Variants in MGST2 observed in about 807,000 individuals in gnomAD.
MGST2 encodes the protein microsomal glutathione S-transferase 2.
MGST2 carries 9 observed loss-of-function variants against 16.6 expected under a neutral mutation model. The ratio of observed to expected loss-of-function variants is 0.54; its 90% CI spans 0.33 to 0.95. The LOEUF (loss-of-function observed/expected upper bound fraction) is 0.95, where lower values mean the gene tolerates loss of function less well. Ranked by LOEUF, MGST2 falls within the 40% of genes least tolerant of loss-of-function variation. MGST2 has a pLI of 0.03. For missense variants in MGST2, 159 were observed against 175.1 expected, an observed-to-expected ratio of 0.91 and a Z score of 0.52; for synonymous variants, 79 against 68.0, an observed-to-expected ratio of 1.16 and a Z score of -0.79.
chr4:139,749,894 C>CA, the MGST2 span, among the ~76,000 whole-genome samples: 50 of 107,964 alleles, frequency 4.6e-4, 1 homozygote, highest in South Asian at 4.9e-3. Flanking sequence ...AACCCCCCCC[C>CA]ACCCTATTCT....
At chr4:139,712,446 T>C (rs944939858) in intron 5 of MGST2, among the ~76,000 whole-genome samples, 1 of 152,242 alleles carries the variant, frequency 6.6e-6, no homozygotes, top group Non-Finnish European at 1.5e-5. Context: ...AAAGACGAAT[T>C]ATGGTAAGAC....
At chr4:139,670,901 T>G (rs1431659150) in intron 1 of MGST2, among the ~76,000 whole-genome samples, 2 of 140,246 alleles carry the variant, frequency 1.4e-5, no homozygotes, top group African/African-American at 5.5e-5. Context: ...TGAGACCCTA[T>G]CTCAAAAAAA....
chr4:139,716,674 A>G (rs1727979783), intron 5 of MGST2: 1 of 152,640 alleles, frequency 6.6e-6, no homozygotes. Flanking sequence ...ACTGCAGTTA[A>G]TTAAAACCCA....
At chr4:139,690,196 TG>T (rs1238814807) in intron 2 of MGST2, among the ~76,000 whole-genome samples, 1 of 152,182 alleles carries the variant, frequency 6.6e-6, no homozygotes, top group Non-Finnish European at 1.5e-5. Flanking sequence ...TTCACCATAT[TG>T]TCCAGGCTGG....
At chr4:139,730,880 C>T (rs1319352840) in intron 5 of MGST2, 3 of 590,210 alleles carry the variant, frequency 5.1e-6, no homozygotes, top group East Asian at 5.6e-5. Flanking sequence ...AGTAAGAGAG[C>T]ATGGCTCTGG....
At chr4:139,688,712 G>A (rs1726391263) in intron 2 of MGST2, among the ~76,000 whole-genome samples, 1 of 151,688 alleles carries the variant, frequency 6.6e-6, no homozygotes. Context: ...TGTAATAAGT[G>A]GAAAAAAAAG....
intron 1 of MGST2, among the ~76,000 whole-genome samples, chr4:139,666,414 G>A (rs1730356018): frequency 6.6e-6 from 1 of 152,172 alleles, no homozygotes; most frequent in Admixed American, 6.5e-5. Context: ...CTGCTAACCT[G>A]CAGGAAGTGG....
At position 139,695,286 on chromosome 4, in the gene MGST2, C is replaced by T. The variant is rs1726854771; in HGVS notation, c.229+19C>T. ...AACCAAGGTAATGTTAAAATACAGT[C>T]AACTGTGTTCTAATGATGACTGTGA... is the stretch of plus-strand genomic sequence containing the variant. On this transcript the variant is annotated intron_variant, in intron 3 of 4. Coordinates refer to ENST00000265498, the MANE Select transcript of MGST2 (RefSeq NM_002413.5). 1.3e-6 allele frequency: 2 copies of T among 1,575,740 alleles called. No individual in the cohort carries two copies. The highest frequency in any genetic ancestry group is 2.2e-5 in the East Asian group (1 of 44,700).
the MGST2 span, among the ~76,000 whole-genome samples, chr4:139,746,567 C>T: frequency 6.6e-6 from 1 of 152,158 alleles, no homozygotes. Context: ...CTTCTAATCC[C>T]AGGGAGGGGC....
chr4:139,675,884 A>G (rs553983341), intron 1 of MGST2, among the ~76,000 whole-genome samples: 66 of 152,314 alleles, frequency 4.3e-4, no homozygotes, highest in African/African-American at 1.5e-3. Context: ...TCATGCATGC[A>G]TTCCGGAGAT....
At chr4:139,698,257 A>G (rs1727037853) in intron 3 of MGST2, 1 of 1,147,810 alleles carries the variant, frequency 8.7e-7, no homozygotes, top group African/African-American at 1.5e-5. Flanking sequence ...CCAACCAGAT[A>G]GGCCTCACTT....
chr4:139,674,016 G>A lies in MGST2; in HGVS notation c.59-4527G>A, dbSNP rs527270235. Among the ~76,000 whole-genome samples the A allele has an allele frequency of 2.6e-5, 4 of 152,352 alleles. No individual in the cohort carries two copies. In the South Asian group the frequency reaches 6.2e-4, roughly 24 times the overall value. On this transcript the variant is annotated intron_variant, in intron 1 of 4. Coordinates refer to ENST00000265498, the MANE Select transcript of MGST2 (RefSeq NM_002413.5). ...TCAGAGATTCTTTGGTTTGCAGTTG[G>A]TTAAGGGAGCAAGGCTTTGTCTAAA...
At chr4:139,710,071 A>G (rs1727680206) in intron 5 of MGST2, among the ~76,000 whole-genome samples, 1 of 152,248 alleles carries the variant, frequency 6.6e-6, no homozygotes, top group African/African-American at 2.4e-5. Flanking sequence ...CCATTTTCAG[A>G]TAATTTTTCT....
chr4:139,742,586 T>C (rs545899807), downstream of MGST2, among the ~76,000 whole-genome samples: 1 of 152,326 alleles, frequency 6.6e-6, no homozygotes, highest in African/African-American at 2.4e-5. Context: ...AAACTTTAGG[T>C]GGGGCCTATA....
chr4:139,743,496 A>G (rs1729226380), downstream of MGST2, among the ~76,000 whole-genome samples: 1 of 152,224 alleles, frequency 6.6e-6, no homozygotes, highest in Non-Finnish European at 1.5e-5. Flanking sequence ...ACAATTTCTC[A>G]ATCAGCAATT....
At chr4:139,749,035 A>G in the MGST2 span, among the ~76,000 whole-genome samples, 6 of 152,208 alleles carry the variant, frequency 3.9e-5, no homozygotes, top group Non-Finnish European at 8.8e-5. Flanking sequence ...GGCCCCCCAC[A>G]AACTGCCAAC....
In MGST2 at chr4:139,719,483, C is replaced by G. The variant is rs371235782; in HGVS notation, c.*48+15287C>G. 2.5e-6 allele frequency: 4 copies of G among 1,613,904 alleles called. No homozygotes were observed. The African/African-American group carries it at 5.3e-5, about 22-fold the overall frequency. On this transcript the variant is annotated intron_variant, in intron 5 of 5. Transcript: ENST00000616265. Reference sequence around the variant, plus strand: ...GTATGACACGTCCTGAGGGGCATTCCGCTCATAGGCTTGGCTCTGGCTGCT... The same window carrying G: ...GTATGACACGTCCTGAGGGGCATTCGGCTCATAGGCTTGGCTCTGGCTGCT...
At chr4:139,680,208 G>A (rs2874294) in intron 2 of MGST2, among the ~76,000 whole-genome samples, 36,791 of 151,834 alleles carry the variant, frequency 0.24, 4,933 homozygotes, top group African/African-American at 0.34. Context: ...CACTCTGTTA[G>A]GTTAAATCAA....
intron 5 of MGST2, chr4:139,719,848 T>C (rs368841295): frequency 1.9e-6 from 3 of 1,613,660 alleles, no homozygotes; most frequent in Non-Finnish European, 2.5e-6. Flanking sequence ...AGCTCCTCTG[T>C]TGCCAGCTTT....
Sources: gnomAD v4.1 joint callset for allele counts (sites outside exome capture counted in the v4.1 genomes callset) on GRCh38, gnomAD v4.1.1 for gene constraint, MANE v1.5 for transcripts, NCBI Gene and HGNC (gene_info 2026-07-23, HGNC 2026-07-21) for gene names.